BTBD9: variants seen among roughly 807,000 people sequenced by gnomAD.
BTBD9 encodes the protein BTB domain containing 9.
Under a neutral mutation model 64.3 loss-of-function variants are expected in BTBD9, and 49 were observed. The ratio of observed to expected loss-of-function variants is 0.76; its 90% CI spans 0.61 to 0.97. The LOEUF (loss-of-function observed/expected upper bound fraction) is 0.97, where lower values mean the gene tolerates loss of function less well. BTBD9 is among the 50% of genes least tolerant of loss of function. The probability of loss-of-function intolerance (pLI) is 0.00; values close to 1 mark genes in which losing one functional copy is unlikely to be tolerated. For synonymous variants in BTBD9, 260 were observed against 274.7 expected (o/e 0.95, Z 0.53); for missense variants, 598 against 762.1 (o/e 0.78, Z 2.53).
chr6:38,485,321 T>C (rs1372875474), intron 6 of BTBD9, among the ~76,000 whole-genome samples: 1 of 152,222 alleles, frequency 6.6e-6, no homozygotes, highest in Non-Finnish European at 1.5e-5. Flanking sequence ...TGGTGAATAC[T>C]TTCCAGAAGG....
At chr6:38,247,415 C>T (rs904603692) in intron 9 of BTBD9, among the ~76,000 whole-genome samples, 2 of 152,206 alleles carry the variant, frequency 1.3e-5, no homozygotes, top group Non-Finnish European at 2.9e-5. Flanking sequence ...CAATGCTTCT[C>T]GGATATGAAT....
chr6:38,429,870 T>G (rs1768361589), intron 6 of BTBD9, among the ~76,000 whole-genome samples: 1 of 151,934 alleles, frequency 6.6e-6, no homozygotes, highest in African/African-American at 2.4e-5. Context: ...TGCTAAAAAT[T>G]ATGCTGAATG....
chr6:38,325,984 T>A (rs1251427712), intron 7 of BTBD9, among the ~76,000 whole-genome samples: 2 of 152,056 alleles, frequency 1.3e-5, no homozygotes, highest in Admixed American at 1.3e-4. Flanking sequence ...AATGTATAGT[T>A]ACAAATGAAA....
chr6:38,333,683 G>A lies in BTBD9; in HGVS notation c.1264+11301C>T, dbSNP rs181943743. Among the ~76,000 whole-genome samples, 54 of 152,218 alleles carry A rather than the reference G, an allele frequency of 3.5e-4. No homozygotes were observed. The Middle Eastern group carries it at 0.01, about 29-fold the overall frequency. On this transcript the variant is annotated intron_variant, in intron 7 of 10. Transcript: ENST00000481247. ...GCCTTTTGCCATGACTGTAAGTTTC[G>A]TGAAGCCTCTGCAGAAGCAGAAGCC...
intron 9 of BTBD9, among the ~76,000 whole-genome samples, chr6:38,237,069 ACTTG>A (rs1413094330): frequency 6.6e-6 from 1 of 152,210 alleles, no homozygotes; most frequent in African/African-American, 2.4e-5. Context: ...GGTGCAACTC[ACTTG>A]CTTTTTAGTT....
intron 6 of BTBD9, among the ~76,000 whole-genome samples, chr6:38,516,798 T>C (rs920485829): frequency 2.6e-5 from 4 of 152,120 alleles, no homozygotes; most frequent in African/African-American, 4.8e-5. Context: ...AGATATTTAA[T>C]AAAAAGAAAA....
At chr6:38,175,465 C>T (rs1761193024) in intron 10 of BTBD9, among the ~76,000 whole-genome samples, 1 of 152,226 alleles carries the variant, frequency 6.6e-6, no homozygotes, top group Admixed American at 6.5e-5. Flanking sequence ...TGGATTACTC[C>T]GTTTTTGCCA....
chr6:38,573,971 TGAGA>T (rs1775909286), intron 6 of BTBD9, among the ~76,000 whole-genome samples: 2 of 152,184 alleles, frequency 1.3e-5, no homozygotes. Context: ...TTGCCTTTCC[TGAGA>T]AAGAAAAGGC....
At chr6:38,294,082 T>C (rs1762071908) in intron 7 of BTBD9, among the ~76,000 whole-genome samples, 2 of 152,296 alleles carry the variant, frequency 1.3e-5, no homozygotes, top group South Asian at 2.1e-4. Context: ...TCAACATCAC[T>C]GGCCATTAGA....
intron 9 of BTBD9, among the ~76,000 whole-genome samples, chr6:38,215,838 C>T (rs1160944596): frequency 6.6e-6 from 1 of 152,156 alleles, no homozygotes; most frequent in Non-Finnish European, 1.5e-5. Flanking sequence ...AGATCTGAAA[C>T]TCCATACTGC....
chr6:38,381,572 A>C (rs1371789607), intron 6 of BTBD9, among the ~76,000 whole-genome samples: 1 of 152,220 alleles, frequency 6.6e-6, no homozygotes, highest in Non-Finnish European at 1.5e-5. Context: ...AATATAGAAT[A>C]TTTGAGCAAC....
At chr6:38,385,122 G>A (rs942707430) in intron 6 of BTBD9, among the ~76,000 whole-genome samples, 1 of 148,940 alleles carries the variant, frequency 6.7e-6, no homozygotes, top group Non-Finnish European at 1.5e-5. Context: ...TTGGATCTAG[G>A]GTTAATATCT....
At chr6:38,362,635 TAGAC>T (rs1765008421) in intron 6 of BTBD9, among the ~76,000 whole-genome samples, 1 of 152,222 alleles carries the variant, frequency 6.6e-6, no homozygotes. Context: ...AAATCTCAAT[TAGAC>T]AGTGTTTCTT....
At chr6:38,607,108 C>T (rs1424524113) in intron 1 of BTBD9, among the ~76,000 whole-genome samples, 3 of 152,152 alleles carry the variant, frequency 2.0e-5, no homozygotes, top group Non-Finnish European at 4.4e-5. Context: ...ATTATACATA[C>T]ATGTACTTTG....
intron 6 of BTBD9, among the ~76,000 whole-genome samples, chr6:38,430,892 GTCTGTCCTGGTCTT>G: frequency 6.6e-6 from 1 of 151,946 alleles, no homozygotes; most frequent in East Asian, 1.9e-4. Flanking sequence ...CAATGGTCAG[GTCTGTCCTGGTCTT>G]ACTCTTCTCA....
At chr6:38,401,746 G>A (rs1766936573) in intron 6 of BTBD9, among the ~76,000 whole-genome samples, 1 of 152,208 alleles carries the variant, frequency 6.6e-6, no homozygotes, top group Non-Finnish European at 1.5e-5. Context: ...CTGGGTTCAA[G>A]TTCCAGCTCT....
chr6:38,555,526 C>T (rs764347451), intron 6 of BTBD9, among the ~76,000 whole-genome samples: 1 of 152,162 alleles, frequency 6.6e-6, no homozygotes, highest in Non-Finnish European at 1.5e-5. Context: ...CAACTATGTG[C>T]TAACCAAAAT....
At chr6:38,272,282 A>G (rs1765223573) in intron 8 of BTBD9, among the ~76,000 whole-genome samples, 1 of 152,218 alleles carries the variant, frequency 6.6e-6, no homozygotes, top group Non-Finnish European at 1.5e-5. Flanking sequence ...GTTATAGAGG[A>G]AGATGACACT....
chr6:38,295,121 C>A (rs761412187), intron 7 of BTBD9, among the ~76,000 whole-genome samples: 14 of 152,030 alleles, frequency 9.2e-5, no homozygotes, highest in Non-Finnish European at 1.8e-4. Flanking sequence ...AATATTTAAT[C>A]TTTTTCTTTA....
Sources: gnomAD v4.1 joint callset for allele counts (sites outside exome capture counted in the v4.1 genomes callset) on GRCh38, gnomAD v4.1.1 for gene constraint, MANE v1.5 for transcripts, NCBI Gene and HGNC (gene_info 2026-07-23, HGNC 2026-07-21) for gene names.